Variants in GABRA2 observed in about 807,000 individuals in gnomAD.
GABRA2 encodes gamma-aminobutyric acid receptor subunit alpha-2.
In GABRA2, 16 loss-of-function variants were observed where a neutral mutation model predicts 48.7. The ratio of observed to expected loss-of-function variants is 0.33; its 90% confidence interval spans 0.22 to 0.50. GABRA2 has a LOEUF of 0.50. Ranked by LOEUF, GABRA2 falls within the 20% of genes least tolerant of loss-of-function variation. The pLI, the probability that GABRA2 is intolerant of heterozygous loss-of-function variation, is 0.98. For missense variants in GABRA2, 275 were observed against 535.6 expected, an observed-to-expected ratio of 0.51 and a Z score of 4.80; for synonymous variants, 185 against 184.5, an observed-to-expected ratio of 1.00 and a Z score of -0.02.
At chr4:46,389,099 G>C in intron 1 of GABRA2, 22 of 1,008,952 alleles carry the variant, frequency 2.2e-5, no homozygotes, top group Non-Finnish European at 2.6e-5. Flanking sequence ...ATGGGTTGGA[G>C]GGGAGGGGAG....
At chr4:46,356,195 G>T (rs1048804634) in intron 3 of GABRA2, among the ~76,000 whole-genome samples, 3 of 152,054 alleles carry the variant, frequency 2.0e-5, no homozygotes, top group African/African-American at 7.2e-5. Context: ...AATAATGCTG[G>T]ACATCTCGGA....
At chr4:46,327,046 G>A (rs141340206) in intron 4 of GABRA2, among the ~76,000 whole-genome samples, 8 of 151,770 alleles carry the variant, frequency 5.3e-5, no homozygotes, top group Non-Finnish European at 1.0e-4. Context: ...CAGTTCCACT[G>A]CCCTGGGCCA....
intron 8 of GABRA2, among the ~76,000 whole-genome samples, chr4:46,299,531 A>G (rs538809135): frequency 6.6e-6 from 1 of 151,976 alleles, no homozygotes; most frequent in Admixed American, 6.6e-5. Flanking sequence ...TTGTTCCTCC[A>G]ATAGTGTAAT....
At chr4:46,300,175 A>T (rs927110819) in intron 8 of GABRA2, among the ~76,000 whole-genome samples, 1 of 151,572 alleles carries the variant, frequency 6.6e-6, no homozygotes, top group African/African-American at 2.4e-5. Context: ...TTTCAATCCT[A>T]TTTCACTCCA....
At chr4:46,321,907 GGAGAATAAGCCA>G (rs758423937) in intron 4 of GABRA2, among the ~76,000 whole-genome samples, 24 of 151,944 alleles carry the variant, frequency 1.6e-4, no homozygotes, top group Admixed American at 3.3e-4. Flanking sequence ...GAATGCCATT[GGAGAATAAGCCA>G]CCTGTGTTTT....
At chr4:46,294,125 A>G (rs1724195790) in intron 8 of GABRA2, among the ~76,000 whole-genome samples, 2 of 152,020 alleles carry the variant, frequency 1.3e-5, no homozygotes, top group African/African-American at 4.8e-5. Context: ...GGGTATATCA[A>G]CTCTCTGGCT....
intron 3 of GABRA2, among the ~76,000 whole-genome samples, chr4:46,356,663 A>G (rs1458724768): frequency 2.0e-5 from 3 of 152,152 alleles, no homozygotes; most frequent in African/African-American, 4.8e-5. Context: ...TAATGGCCTC[A>G]AGATTAGTAT....
chr4:46,311,530 C>G (rs1461548259), intron 5 of GABRA2, among the ~76,000 whole-genome samples: 1 of 152,076 alleles, frequency 6.6e-6, no homozygotes, highest in Non-Finnish European at 1.5e-5. Context: ...ATACAAGTAA[C>G]TTATTTTACA....
intron 3 of GABRA2, among the ~76,000 whole-genome samples, chr4:46,382,193 CAT>C (rs71652883): frequency 1.1e-3 from 165 of 148,276 alleles, no homozygotes; most frequent in African/African-American, 1.4e-3. Context: ...CACACACACA[CAT>C]ATATATATAT....
intron 4 of GABRA2, among the ~76,000 whole-genome samples, chr4:46,328,417 A>G (rs1389647907): frequency 6.6e-6 from 1 of 150,950 alleles, no homozygotes; most frequent in Non-Finnish European, 1.5e-5. Context: ...TGAATAAGAG[A>G]AATTAGGAAT....
intron 4 of GABRA2, among the ~76,000 whole-genome samples, chr4:46,313,225 AAG>A (rs1205293810): frequency 1.3e-5 from 2 of 151,164 alleles, no homozygotes; most frequent in African/African-American, 2.4e-5. Flanking sequence ...AAAAATTAAA[AAG>A]AAAAAAACAC....
At chr4:46,277,065 A>G (rs1164892748) in intron 8 of GABRA2, among the ~76,000 whole-genome samples, 1 of 152,132 alleles carries the variant, frequency 6.6e-6, no homozygotes, top group Non-Finnish European at 1.5e-5. Context: ...CCTTACTGTG[A>G]GGAGATAATA....
At chr4:46,290,366 A>T (rs1470712753) in intron 8 of GABRA2, among the ~76,000 whole-genome samples, 2 of 151,898 alleles carry the variant, frequency 1.3e-5, no homozygotes, top group East Asian at 3.9e-4. Context: ...TTTTGAGATT[A>T]TTGCTGTTTT....
intron 8 of GABRA2, among the ~76,000 whole-genome samples, chr4:46,269,202 C>A (rs1399444040): frequency 6.6e-6 from 1 of 151,740 alleles, no homozygotes; most frequent in Non-Finnish European, 1.5e-5. Flanking sequence ...CTAATATTCT[C>A]ATTACAAAAT....
intron 9 of GABRA2, among the ~76,000 whole-genome samples, chr4:46,251,246 C>A (rs1280352468): frequency 6.6e-6 from 1 of 151,554 alleles, no homozygotes; most frequent in Non-Finnish European, 1.5e-5. Flanking sequence ...CCTGCCTGGA[C>A]TTTGTGTCCG....
intron 3 of GABRA2, among the ~76,000 whole-genome samples, chr4:46,371,846 T>C (rs78931638): frequency 1.8e-3 from 272 of 152,302 alleles, no homozygotes; most frequent in African/African-American, 6.1e-3. Context: ...TATAATAATA[T>C]TTAGTGAGCA....
At position 46,330,585 on chromosome 4, in the gene GABRA2, T is replaced by TAGAGAGAGAGAGAG. The variant is rs1284493121; in HGVS notation, c.255+2029_255+2030insCTCTCTCTCTCTCT. On this transcript the variant is annotated intron_variant, in intron 4 of 9. Coordinates refer to ENST00000381620, the MANE Select transcript of GABRA2 (RefSeq NM_000807.4). The stretch of plus-strand genomic sequence containing the variant: ...ATGCATATATATATATATATATATA[T>TAGAGAGAGAGAGAG]ATATATAGAGAGAGAGAGAGAGAGA... Among the ~76,000 whole-genome samples the TAGAGAGAGAGAGAG allele has an allele frequency of 1.7e-4, 20 of 117,664 alleles. No individual in the cohort carries two copies. In the East Asian group the frequency reaches 3.4e-3, roughly 20 times the overall value. The allele number at this position is 117,664 out of a possible 152,430, so 77.2% of individuals were successfully genotyped here.
At position 46,368,993 on chromosome 4, in the gene GABRA2, T is replaced by G. The variant is rs746677809; in HGVS notation, c.187+17081A>C. 3.0e-4 allele frequency: 212 copies of G among 700,720 alleles called. No homozygotes were observed. In the Middle Eastern group the frequency reaches 4.6e-3, roughly 15 times the overall value. The allele number at this position is 700,720 out of a possible 1,614,324, so 43.4% of individuals were successfully genotyped here. The stretch of plus-strand genomic sequence containing the variant: ...AAGGCTATGTTACACAGACTGGAGA[T>G]TCCACTCTGGAAACTGGGAAAGAAG... On this transcript the variant is annotated intron_variant, in intron 3 of 9. Coordinates refer to ENST00000381620, the MANE Select transcript of GABRA2 (RefSeq NM_000807.4).
rs78084030 is a variant in GABRA2 at position 46,283,409 on chromosome 4, G to A, written c.856+20051C>T. Among the ~76,000 whole-genome samples the A allele has an allele frequency of 4.9e-3, 745 of 152,274 alleles. 8 individuals carry two copies. Among genetic ancestry groups the A allele is most frequent in the African/African-American group, 0.017 (705 of 41,560 alleles). ...CAAAACAGGAAAATAGACACCGAAT[G>A]CCTGATGCCCATGGTGCTGCCGTAC... is the stretch of plus-strand genomic sequence containing the variant. On this transcript the variant is annotated intron_variant, in intron 8 of 9. Coordinates refer to ENST00000381620, the MANE Select transcript of GABRA2 (RefSeq NM_000807.4).
Sources: allele counts gnomAD v4.1 joint callset (sites outside exome capture counted in the v4.1 genomes callset), GRCh38; gene constraint gnomAD v4.1.1; transcripts MANE v1.5; gene names NCBI Gene and HGNC (gene_info 2026-07-23, HGNC 2026-07-21).